ATF2: variants seen among roughly 807,000 people sequenced by gnomAD.
ATF2 encodes the protein activating transcription factor 2, also known as cyclic AMP-dependent transcription factor ATF-2.
ATF2 carries 24 observed loss-of-function variants against 60.6 expected under a neutral mutation model. That is an observed-to-expected ratio of 0.40 (90% CI 0.29 to 0.56). The LOEUF (loss-of-function observed/expected upper bound fraction) is 0.56, where lower values mean the gene tolerates loss of function less well. ATF2 is among the 20% of genes least tolerant of loss of function. The pLI is 0.54. For synonymous variants in ATF2, 206 were observed against 215.4 expected (o/e 0.96, Z 0.38); for missense variants, 433 against 607.7 (o/e 0.71, Z 3.02).
chr2:175,145,244 T>G (rs1018011761), intron 2 of ATF2, among the ~76,000 whole-genome samples: 2 of 152,212 alleles, frequency 1.3e-5, no homozygotes, highest in African/African-American at 4.8e-5. Flanking sequence ...TATATGTCCC[T>G]GCCAAATCTC....
intron 12 of ATF2, chr2:175,092,647 A>G (rs1420785075): frequency 4.6e-6 from 2 of 437,222 alleles, no homozygotes; most frequent in Non-Finnish European, 9.2e-6. Context: ...AACAAAATTT[A>G]TAATTCAAAG....
rs970781153 is a variant in ATF2, at chr2:175,117,087, T to A, written c.447+903A>T. ...TCACTTATGTATTTGTACCTATAAATGTATATATCTAGAAAAAAATGTTTC... is the reference window on the plus strand; with the variant it reads ...TCACTTATGTATTTGTACCTATAAAAGTATATATCTAGAAAAAAATGTTTC... On this transcript the variant is annotated intron_variant, in intron 7 of 13. Coordinates refer to ENST00000264110, the MANE Select transcript of ATF2 (RefSeq NM_001880.4). Among the ~76,000 whole-genome samples the A allele has an allele frequency of 5.3e-5, 8 of 152,108 alleles. 1 individual carries two copies. Among genetic ancestry groups the A allele is most frequent in the Admixed American group, 1.3e-4 (2 of 15,252 alleles).
intron 12 of ATF2, among the ~76,000 whole-genome samples, chr2:175,085,605 C>A (rs1044260885): frequency 6.7e-6 from 1 of 149,078 alleles, no homozygotes; most frequent in South Asian, 2.1e-4. Flanking sequence ...CACAAATTCT[C>A]TCTTTAAATA....
At chr2:175,134,908 G>A (rs570358913) in intron 3 of ATF2, among the ~76,000 whole-genome samples, 8 of 151,524 alleles carry the variant, frequency 5.3e-5, no homozygotes, top group African/African-American at 1.9e-4. Flanking sequence ...GGAGGCTGAG[G>A]CAGGAGGATC....
At position 175,150,697 on chromosome 2, in the gene ATF2, CAG is replaced by C. The variant is rs897522457; in HGVS notation, c.-44+361_-44+362del. On this transcript the variant is annotated intron_variant, in intron 2 of 13. Coordinates refer to ENST00000264110, the MANE Select transcript of ATF2 (RefSeq NM_001880.4). ...TTTTGCCCAAAATATTTTTGAAAGA[CAG>C]AAAATACCTCAGATTAGTTTATATT... Among the ~76,000 whole-genome samples, 37 of 152,208 alleles carry C rather than the reference CAG, an allele frequency of 2.4e-4. 1 individual carries two copies. Among genetic ancestry groups the C allele is most frequent in the African/African-American group, 7.0e-4 (29 of 41,552 alleles).
intron 12 of ATF2, among the ~76,000 whole-genome samples, chr2:175,089,839 G>A (rs535883082): frequency 2.0e-5 from 3 of 152,076 alleles, no homozygotes; most frequent in South Asian, 2.1e-4. Context: ...CCTCACCATC[G>A]TTTGCACCTT....
intron 2 of ATF2, among the ~76,000 whole-genome samples, chr2:175,140,485 G>T (rs1698427524): frequency 6.6e-6 from 1 of 152,148 alleles, no homozygotes; most frequent in Non-Finnish European, 1.5e-5. Flanking sequence ...GACAGGAGTA[G>T]AAGGAGTGGG....
intron 4 of ATF2, 120 bp from the exon 5 acceptor site, chr2:175,121,660 T>A: frequency 1.5e-6 from 1 of 683,892 alleles, no homozygotes; most frequent in Non-Finnish European, 2.4e-6. Flanking sequence ...TAGCAGTTTT[T>A]AAACTATAAA....
Position 175,118,061 on chromosome 2 carries a change from G to A in ATF2, c.376C>T (p.Pro126Ser), listed in dbSNP as rs1346198795. ...TGGTGAGTTGTTTCTACAACAGAAG[G>A]CTCCTCAATTTTGCTTCTTATGATA... ...TPIIRSKIEEPSVVETTHQDS... is the reference protein window; with the variant it reads ...TPIIRSKIEESSVVETTHQDS... Residue 126 changes from proline (P) to serine (S), a missense_variant, in exon 7 of 14, where the codon CCT (proline) becomes TCT (serine). Around this residue, in one of 5 missense-constraint regions of ATF2, gnomAD observed 246 missense variants for 309.3 expected, o/e 0.80. Coordinates refer to ENST00000264110, the MANE Select transcript of ATF2 (RefSeq NM_001880.4). 1.2e-6 allele frequency: 2 copies of A among 1,611,864 alleles called. No homozygotes were observed. The highest frequency in any genetic ancestry group is 1.7e-5 in the Admixed American group (1 of 59,882).
chr2:175,112,433 T>C (rs1008540003), intron 9 of ATF2, among the ~76,000 whole-genome samples: 1 of 152,128 alleles, frequency 6.6e-6, no homozygotes, highest in Non-Finnish European at 1.5e-5. Flanking sequence ...CGTCAATCAA[T>C]GCTAATTTTG....
At chr2:175,108,945 T>C (rs951105608) in intron 10 of ATF2, among the ~76,000 whole-genome samples, 2 of 152,008 alleles carry the variant, frequency 1.3e-5, no homozygotes, top group East Asian at 3.9e-4. Context: ...GTGCAAGATG[T>C]GCTTTGTTAA....
At chr2:175,155,769 G>A (rs1699630686) in intron 1 of ATF2, among the ~76,000 whole-genome samples, 1 of 152,122 alleles carries the variant, frequency 6.6e-6, no homozygotes, top group Admixed American at 6.5e-5. Context: ...ACTGTGAAAT[G>A]AATTAATTCA....
chr2:175,114,573 C>A, intron 8 of ATF2, 117 bp downstream of exon 8: 2 of 1,447,250 alleles, frequency 1.4e-6, no homozygotes, highest in Non-Finnish European at 1.8e-6. Flanking sequence ...AAATTCGAAG[C>A]ATGCACACAC....
intron 1 of ATF2, among the ~76,000 whole-genome samples, chr2:175,166,103 A>G (rs899383771): frequency 2.6e-5 from 4 of 152,192 alleles, no homozygotes; most frequent in African/African-American, 9.6e-5. Context: ...TTTAAAAAGG[A>G]TTTTCAGGAA....
intron 4 of ATF2, among the ~76,000 whole-genome samples, chr2:175,124,292 AAG>A (rs1491024993): frequency 6.6e-6 from 1 of 151,168 alleles, no homozygotes; most frequent in Non-Finnish European, 1.5e-5. Context: ...GAAAAAAAAA[AAG>A]ATTTTTTTTT....
At chr2:175,163,003 G>A (rs1225563434) in intron 1 of ATF2, among the ~76,000 whole-genome samples, 2 of 151,970 alleles carry the variant, frequency 1.3e-5, no homozygotes, top group Admixed American at 1.3e-4. Flanking sequence ...GCGTGGTGGT[G>A]GGTGCCTGTA....
Position 175,084,674 on chromosome 2 carries a change from T to A in ATF2, c.1186-3909A>T, listed in dbSNP as rs1405697111. Reference sequence around the variant, plus strand: ...AAAAAAAAGTTAAAAAAAAAAAGAATGCATAGGAAAATAAGTTAGGTGCCT... The same window carrying A: ...AAAAAAAAGTTAAAAAAAAAAAGAAAGCATAGGAAAATAAGTTAGGTGCCT... On this transcript the variant is annotated intron_variant, in intron 12 of 13. Coordinates refer to ENST00000264110, the MANE Select transcript of ATF2 (RefSeq NM_001880.4). Among the ~76,000 whole-genome samples, 9 of 149,560 alleles carry A rather than the reference T, an allele frequency of 6.0e-5. No homozygotes were observed. The East Asian group carries it at 1.8e-3, about 29-fold the overall frequency.
At chr2:175,118,954 A>T (rs1383759220) in intron 5 of ATF2, among the ~76,000 whole-genome samples, 1 of 151,662 alleles carries the variant, frequency 6.6e-6, no homozygotes, top group African/African-American at 2.4e-5. Flanking sequence ...AATTTAATGC[A>T]TTTTACAAGC....
intron 1 of ATF2, among the ~76,000 whole-genome samples, chr2:175,161,735 T>G (rs1700039244): frequency 6.6e-6 from 1 of 151,222 alleles, no homozygotes; most frequent in African/African-American, 2.4e-5. Flanking sequence ...AAGACAGAAC[T>G]ATGAAATGTA....
Sources: gnomAD v4.1 joint callset for allele counts (sites outside exome capture counted in the v4.1 genomes callset) on GRCh38, gnomAD v4.1.1 for gene constraint, gnomAD v4.1.1 regional missense constraint, MANE v1.5 for transcripts, NCBI Gene and HGNC (gene_info 2026-07-23, HGNC 2026-07-21) for gene names.